Variants in AFDN observed in about 807,000 individuals in gnomAD.
The protein encoded by AFDN is afadin.
A neutral mutation model predicts 216.6 loss-of-function variants in AFDN; 68 were observed. The observed-to-expected ratio is 0.31, with a 90% CI of 0.26 to 0.38. AFDN has a LOEUF of 0.38. AFDN is among the 10% of genes least tolerant of loss of function. The pLI is 1.00. For missense variants in AFDN, 2,136 were observed against 2,342.0 expected (o/e 0.91, Z 1.82); for synonymous variants, 868 against 853.7 (o/e 1.02, Z -0.29).
chr6:167,902,427 T>C, intron 12 of AFDN, 41 bp downstream of exon 12: 1 of 1,425,052 alleles, frequency 7.0e-7, no homozygotes, highest in Non-Finnish European at 9.9e-7. Context: ...GTGCTTGCTA[T>C]AGGACACCAT....
chr6:167,917,054 G>T (rs748484948), intron 19 of AFDN, 35 bp from the exon 20 acceptor site: 1 of 1,586,116 alleles, frequency 6.3e-7, no homozygotes, highest in East Asian at 2.3e-5. Flanking sequence ...AACTTTACAA[G>T]TGTGATATTT....
At chr6:167,958,102 C>G (rs1205302078) in intron 30 of AFDN, among the ~76,000 whole-genome samples, 1 of 152,150 alleles carries the variant, frequency 6.6e-6, no homozygotes, top group Non-Finnish European at 1.5e-5. Context: ...AATTCCACAC[C>G]TGACCTCAGT....
At chr6:167,901,509 A>G (rs959649679) in intron 11 of AFDN, among the ~76,000 whole-genome samples, 1 of 152,200 alleles carries the variant, frequency 6.6e-6, no homozygotes, top group Admixed American at 6.5e-5. Flanking sequence ...ATCAGTTTAA[A>G]CTAGGATAAT....
intron 1 of AFDN, among the ~76,000 whole-genome samples, chr6:167,862,817 C>T (rs1783743262): frequency 6.6e-6 from 1 of 152,242 alleles, no homozygotes; most frequent in Non-Finnish European, 1.5e-5. Flanking sequence ...GACTCCTACT[C>T]ATGTAGCTCC....
At chr6:167,829,407 C>T (rs1779584464) in intron 1 of AFDN, among the ~76,000 whole-genome samples, 1 of 151,900 alleles carries the variant, frequency 6.6e-6, no homozygotes. Flanking sequence ...ATTTCAAGGC[C>T]AACAGTTTCA....
chr6:167,950,697 A>G (rs569169084), intron 29 of AFDN, among the ~76,000 whole-genome samples: 49 of 152,260 alleles, frequency 3.2e-4, no homozygotes, highest in African/African-American at 1.2e-3. Context: ...ATTTTTACAT[A>G]TTATGAATAA....
chr6:167,841,226 A>G (rs1781033643), intron 1 of AFDN, among the ~76,000 whole-genome samples: 2 of 152,326 alleles, frequency 1.3e-5, no homozygotes, highest in South Asian at 4.1e-4. Flanking sequence ...GGAAATAAAA[A>G]GTTCTCTTTG....
intron 16 of AFDN, 63 bp from the exon 17 acceptor site, chr6:167,914,105 C>T: frequency 6.4e-7 from 1 of 1,568,764 alleles, no homozygotes; most frequent in Non-Finnish European, 8.7e-7. Context: ...CAAGAGCATT[C>T]CTTTATATTT....
At chr6:167,919,963 A>G (rs1447054650) in intron 21 of AFDN, among the ~76,000 whole-genome samples, 1 of 152,222 alleles carries the variant, frequency 6.6e-6, no homozygotes, top group Non-Finnish European at 1.5e-5. Flanking sequence ...ATACGTTTTT[A>G]TACCTTTCAA....
At chr6:167,891,884 G>T (rs1787661908) in intron 8 of AFDN, among the ~76,000 whole-genome samples, 1 of 152,196 alleles carries the variant, frequency 6.6e-6, no homozygotes, top group African/African-American at 2.4e-5. Context: ...AGCCCGAGTA[G>T]TAATCACAGA....
chr6:167,954,034 T>C (rs1416502715), intron 30 of AFDN, among the ~76,000 whole-genome samples: 1 of 152,234 alleles, frequency 6.6e-6, no homozygotes, highest in African/African-American at 2.4e-5. Context: ...TAAACTTTTA[T>C]TTAAAGGTCT....
chr6:167,829,257 C>A (rs1483878347), intron 1 of AFDN, among the ~76,000 whole-genome samples: 6 of 152,062 alleles, frequency 3.9e-5, no homozygotes, highest in Admixed American at 2.6e-4. Context: ...TAGTGGCTGG[C>A]TCACATTTCT....
intron 1 of AFDN, among the ~76,000 whole-genome samples, chr6:167,853,234 C>A (rs1782511278): frequency 6.6e-6 from 1 of 151,870 alleles, no homozygotes; most frequent in African/African-American, 2.4e-5. Flanking sequence ...TATCTCTTTT[C>A]TCTTACATTG....
At chr6:167,864,987 T>G (rs1488790283) in intron 2 of AFDN, 1 of 636,560 alleles carries the variant, frequency 1.6e-6, no homozygotes, top group Non-Finnish European at 2.9e-6. Flanking sequence ...TGCATATGCT[T>G]ATTTCTCCAA....
rs1478188988 is a variant in AFDN, at chr6:167,951,670, G to A, written c.4316G>A (p.Arg1439Lys). ...EKARLEEERE[R>K]KRREQERKLG... Reference sequence around the variant, plus strand: ...GCCCGCCTGGAGGAGGAGCGGGAGAGGAAGCGGAGAGAGCAGGAGAGGAAG... The same window carrying A: ...GCCCGCCTGGAGGAGGAGCGGGAGAAGAAGCGGAGAGAGCAGGAGAGGAAG... The change falls in exon 30 of 34, where the codon AGG becomes AAG. Residue 1439 changes from arginine (R) to lysine (K), a missense_variant. By Grantham distance (26) the Arg-to-Lys change is conservative. This residue lies in a region of AFDN where 981 missense variants were observed against 966.0 expected (regional missense o/e 1.02). Coordinates refer to ENST00000683244, the MANE Select transcript of AFDN (RefSeq NM_001386888.1). This position sits in a 1 kb window ranked among gnomAD's most constrained non-coding sequence, Gnocchi z 7.1. 1 of 1,613,920 alleles carries A rather than the reference G, an allele frequency of 6.2e-7. No homozygotes were observed. Among genetic ancestry groups the A allele is most frequent in the Admixed American group, 1.7e-5 (1 of 60,016 alleles).
rs560529482 is a variant in AFDN, at chr6:167,971,179, A to C, written c.*1244A>C. The C allele has an allele frequency of 9.0e-6, 2 of 220,996 alleles. No individual in the cohort carries two copies. The highest frequency in any genetic ancestry group is 3.7e-4 in the South Asian group (2 of 5,414). 13.7% of individuals were successfully genotyped at this position (220,996 alleles called of 1,614,324 possible). A position where few individuals can be genotyped will look rare whatever the true frequency, so the allele number is the denominator to read the frequency against. Reference sequence around the variant, plus strand: ...TTGACAAAGCCCTTGGTGGAGTCCAAATGATTTTTCTGTACCATATTGTTC... The same window carrying C: ...TTGACAAAGCCCTTGGTGGAGTCCACATGATTTTTCTGTACCATATTGTTC... On this transcript the variant is annotated 3_prime_UTR_variant, in exon 34 of 34. Transcript: ENST00000683244.
chr6:167,962,835 C>G lies in AFDN; in HGVS notation c.4968+268C>G. The G allele has an allele frequency of 2.3e-6, 3 of 1,284,326 alleles. No homozygotes were observed. Among genetic ancestry groups the G allele is most frequent in the Middle Eastern group, 3.0e-4 (1 of 3,314 alleles). 79.6% of individuals were successfully genotyped at this position (1,284,326 alleles called of 1,614,324 possible). On this transcript the variant is annotated intron_variant, in intron 31 of 33. Coordinates refer to ENST00000683244, the MANE Select transcript of AFDN (RefSeq NM_001386888.1). The surrounding 1 kb of genome is among the most constrained non-coding windows in gnomAD (Gnocchi z 5.2). The stretch of plus-strand genomic sequence containing the variant: ...CTTGGGCGTGTGTAGCAGTGAGCCT[C>G]TTTGCAAAGGGTTCGTTTCCTCGGG...
At position 167,951,329 on chromosome 6, in the gene AFDN, C is replaced by T; in HGVS notation, c.3975C>T (p.Ser1325=). The change falls in exon 30 of 34, where the codon AGC becomes AGT. Residue 1325 remains serine, a synonymous_variant. Transcript: ENST00000683244. The surrounding 1 kb of genome is among the most constrained non-coding windows in gnomAD (Gnocchi z 7.1). The stretch of plus-strand genomic sequence containing the variant: ...CCTCACTGGACTCCAGTACCTCTAG[C>T]CAGGAGCATCTGAACCATTCCTCTA... ...QSSSLDSSTS[S]QEHLNHSSKS... The T allele has an allele frequency of 6.2e-7, 1 of 1,614,148 alleles. No individual in the cohort carries two copies. Among genetic ancestry groups the T allele is most frequent in the Non-Finnish European group, 8.5e-7 (1 of 1,180,024 alleles).
At chr6:167,964,244 T>C (rs901299994) in intron 31 of AFDN, 12 of 1,064,044 alleles carry the variant, frequency 1.1e-5, no homozygotes, top group Middle Eastern at 4.1e-4. Context: ...TGCTTTGTTA[T>C]AGAAAAATGT....
Sources: allele counts gnomAD v4.1 joint callset (sites outside exome capture counted in the v4.1 genomes callset), GRCh38; gene constraint gnomAD v4.1.1; regional missense constraint gnomAD v4.1.1; non-coding constraint Gnocchi (gnomAD v3.1); transcripts MANE v1.5; gene names NCBI Gene and HGNC (gene_info 2026-07-23, HGNC 2026-07-21).